The following AGBL1 variants were observed in gnomAD, a reference collection of about 807,000 sequenced individuals.
The protein encoded by AGBL1 is cytosolic carboxypeptidase 4.
AGBL1 carries 130 observed loss-of-function variants against 118.9 expected under a neutral mutation model. The ratio of observed to expected loss-of-function variants is 1.09; its 90% CI spans 0.95 to 1.26. The LOEUF (loss-of-function observed/expected upper bound fraction) is 1.26, where lower values mean the gene tolerates loss of function less well. Ranked by LOEUF, AGBL1 falls within the 50% of genes most tolerant of loss-of-function variation. The pLI, the probability that AGBL1 is intolerant of heterozygous loss-of-function variation, is 0.00. For missense variants in AGBL1, 1,584 were observed against 1,298.1 expected (o/e 1.22, Z -3.38); for synonymous variants, 555 against 478.9 (o/e 1.16, Z -2.08).
intron 18 of AGBL1, among the ~76,000 whole-genome samples, chr15:86,444,226 T>A (rs2082096296): frequency 6.6e-6 from 1 of 152,214 alleles, no homozygotes; most frequent in Non-Finnish European, 1.5e-5. Flanking sequence ...TTCTTTTTGA[T>A]ATATCTGTTG....
chr15:86,899,040 A>G (rs537792061), intron 22 of AGBL1, among the ~76,000 whole-genome samples: 2 of 152,198 alleles, frequency 1.3e-5, no homozygotes, highest in African/African-American at 4.8e-5. Flanking sequence ...ATTCCTGGGT[A>G]TATACCCAGA....
intron 5 of AGBL1, among the ~76,000 whole-genome samples, chr15:86,220,351 C>T (rs755859517): frequency 6.6e-6 from 1 of 152,140 alleles, no homozygotes; most frequent in Admixed American, 6.5e-5. Flanking sequence ...ATTTCACCCT[C>T]TAGCATTCCC....
chr15:86,610,799 T>C (rs1211254759), intron 21 of AGBL1, among the ~76,000 whole-genome samples: 1 of 152,162 alleles, frequency 6.6e-6, no homozygotes, highest in East Asian at 1.9e-4. Context: ...TTTCCTTCTG[T>C]GTTTCCCACC....
intron 5 of AGBL1, among the ~76,000 whole-genome samples, chr15:86,182,522 G>T (rs537352796): frequency 6.6e-6 from 1 of 151,872 alleles, no homozygotes; most frequent in Non-Finnish European, 1.5e-5. Context: ...GACCCAAATG[G>T]CCCCTAGAAT....
chr15:86,262,683 C>G, intron 9 of AGBL1, 95 bp from the exon 10 acceptor site: 1 of 844,608 alleles, frequency 1.2e-6, no homozygotes. Flanking sequence ...AAAACCATGT[C>G]CTAAGATTCT....
intron 1 of AGBL1, among the ~76,000 whole-genome samples, chr15:86,104,092 G>A (rs958971836): frequency 2.6e-5 from 4 of 152,182 alleles, no homozygotes; most frequent in Non-Finnish European, 4.4e-5. Context: ...GAGTGGGACT[G>A]TCCTCAATCC....
intron 21 of AGBL1, among the ~76,000 whole-genome samples, chr15:86,560,529 C>T (rs1480971706): frequency 1.3e-5 from 2 of 152,198 alleles, no homozygotes; most frequent in East Asian, 1.9e-4. Context: ...TTTCTTAATC[C>T]AGTCTATCAT....
chr15:86,478,134 G>A (rs1274774111), intron 18 of AGBL1, among the ~76,000 whole-genome samples: 1 of 152,088 alleles, frequency 6.6e-6, no homozygotes, highest in Non-Finnish European at 1.5e-5. Flanking sequence ...CATACTGAAT[G>A]GGCAAAAACT....
At chr15:86,756,401 C>T (rs1222078100) in intron 22 of AGBL1, among the ~76,000 whole-genome samples, 1 of 151,904 alleles carries the variant, frequency 6.6e-6, no homozygotes, top group African/African-American at 2.4e-5. Flanking sequence ...ATTGGGGACT[C>T]ATCAGTTCAT....
At position 86,746,889 on chromosome 15, in the gene AGBL1, C is replaced by T. The variant is rs560824269; in HGVS notation, c.3158+72453C>T. On this transcript the variant is annotated intron_variant, in intron 22 of 22. Transcript: ENST00000614907. ...TATTCTATGTAAACATTACAAGAGA[C>T]CCTATTACATGGTGACCTAAACTTT... Among the ~76,000 whole-genome samples the T allele has an allele frequency of 5.3e-5, 8 of 152,012 alleles. 1 individual carries two copies. In the South Asian group the frequency reaches 1.7e-3, roughly 31 times the overall value.
At chr15:86,895,031 T>C (rs757820315) in intron 22 of AGBL1, among the ~76,000 whole-genome samples, 2 of 152,166 alleles carry the variant, frequency 1.3e-5, no homozygotes, top group African/African-American at 2.4e-5. Context: ...CATCTTTTCA[T>C]ATCCATCCCC....
intron 22 of AGBL1, among the ~76,000 whole-genome samples, chr15:86,707,604 C>A (rs774715179): frequency 6.6e-6 from 1 of 152,008 alleles, no homozygotes. Flanking sequence ...AAGACAAAAT[C>A]GAATGTGTAG....
intron 22 of AGBL1, among the ~76,000 whole-genome samples, chr15:86,854,818 C>T (rs1173083746): frequency 6.6e-6 from 1 of 152,166 alleles, no homozygotes; most frequent in Non-Finnish European, 1.5e-5. Flanking sequence ...GACTTTCCGC[C>T]TAGCAGCTCA....
chr15:86,519,297 G>T (rs979493859), intron 18 of AGBL1, among the ~76,000 whole-genome samples: 3 of 152,112 alleles, frequency 2.0e-5, no homozygotes, highest in African/African-American at 7.2e-5. Flanking sequence ...CAAACTATTT[G>T]AGAGAGGACC....
At chr15:86,904,958 A>C (rs1042809274) in intron 22 of AGBL1, among the ~76,000 whole-genome samples, 1 of 152,182 alleles carries the variant, frequency 6.6e-6, no homozygotes, top group African/African-American at 2.4e-5. Flanking sequence ...CCTTATTGAC[A>C]ATAACACTAT....
intron 5 of AGBL1, among the ~76,000 whole-genome samples, chr15:86,182,680 T>A (rs1399151561): frequency 6.6e-6 from 1 of 152,186 alleles, no homozygotes; most frequent in South Asian, 2.1e-4. Context: ...CTTTGCTATT[T>A]CAGCATTGCA....
At chr15:86,639,026 TG>T (rs2085149669) in intron 21 of AGBL1, among the ~76,000 whole-genome samples, 1 of 152,210 alleles carries the variant, frequency 6.6e-6, no homozygotes, top group South Asian at 2.1e-4. Context: ...GTGGGCCTTT[TG>T]CTTCATTGAT....
chr15:87,002,310 G>A (rs1376163534), intron 24 of AGBL1, among the ~76,000 whole-genome samples: 1 of 151,954 alleles, frequency 6.6e-6, no homozygotes, highest in African/African-American at 2.4e-5. Context: ...TTATTTCTGA[G>A]GGCTCTGTTC....
intron 17 of AGBL1, among the ~76,000 whole-genome samples, chr15:86,319,756 T>G (rs976846568): frequency 1.2e-3 from 56 of 48,556 alleles, no homozygotes; most frequent in African/African-American, 3.7e-3. Context: ...TTTTTTTTTT[T>G]TTTTTTTTTT....
Sources: allele counts gnomAD v4.1 joint callset (sites outside exome capture counted in the v4.1 genomes callset), GRCh38; gene constraint gnomAD v4.1.1; transcripts MANE v1.5; gene names NCBI Gene and HGNC (gene_info 2026-07-23, HGNC 2026-07-21).